GSE1: variants seen among roughly 807,000 people sequenced by gnomAD.
GSE1 encodes the protein Gse1 coiled-coil protein.
A neutral mutation model predicts 112.6 loss-of-function variants in GSE1; 32 were observed. The ratio of observed to expected loss-of-function variants is 0.28; its 90% CI spans 0.21 to 0.38. The LOEUF (loss-of-function observed/expected upper bound fraction) is 0.38. GSE1 is among the 10% of genes least tolerant of loss of function. The pLI is 1.00. For synonymous variants in GSE1, 1,115 were observed against 735.6 expected (o/e 1.52, Z -8.35); for missense variants, 2,348 against 1,699.2 (o/e 1.38, Z -6.71).
chr16:85,507,040 A>G (rs1411611084), intron 2 of GSE1, among the ~76,000 whole-genome samples: 1 of 152,118 alleles, frequency 6.6e-6, no homozygotes, highest in Non-Finnish European at 1.5e-5. Context: ...CTCCTGGGGT[A>G]ACCGTGTGGG....
chr16:85,348,617 TCCAGCTGGACAA>T (rs1487483904), intron 1 of GSE1, among the ~76,000 whole-genome samples: 3 of 152,118 alleles, frequency 2.0e-5, no homozygotes, highest in Non-Finnish European at 4.4e-5. Context: ...TGGAAGAGGA[TCCAGCTGGACAA>T]CCTCTGCCCA....
At chr16:85,469,732 GGGAGAAATCAGCCAGGCTGACT>G (rs1256311493) in intron 2 of GSE1, among the ~76,000 whole-genome samples, 1 of 152,194 alleles carries the variant, frequency 6.6e-6, no homozygotes, top group Non-Finnish European at 1.5e-5. Context: ...CAGTTCAGGT[GGGAGAAATCAGCCAGGCTGACT>G]GGAGGAAGGT....
rs143901261 is a variant in GSE1 at position 85,661,556 on chromosome 16, C to T, written c.2051C>T (p.Thr684Ile). 8 of 1,611,658 alleles carry T rather than the reference C, an allele frequency of 5.0e-6. No individual in the cohort carries two copies. In the East Asian group the frequency reaches 1.3e-4, roughly 27 times the overall value. Reference protein sequence around the residue: ...FLAELEKSTQTILGQQRASLP... With the variant: ...FLAELEKSTQIILGQQRASLP... Reference sequence around the variant, plus strand: ...GCTGAGCTCGAGAAGTCCACCCAGACCATCCTGGGCCAGCAGCGGGCCTCC... The same window carrying T: ...GCTGAGCTCGAGAAGTCCACCCAGATCATCCTGGGCCAGCAGCGGGCCTCC... Residue 684 changes from threonine to isoleucine, a missense_variant, in exon 9 of 16, where the codon ACC becomes ATC. By Grantham distance (89) the Thr-to-Ile change is moderately conservative. Transcript: ENST00000253458.
At chr16:85,573,729 G>A (rs1244209064) in intron 1 of GSE1, among the ~76,000 whole-genome samples, 2 of 152,194 alleles carry the variant, frequency 1.3e-5, no homozygotes, top group African/African-American at 4.8e-5. Flanking sequence ...GCCGGCAGGC[G>A]CACTGGTTTG....
chr16:85,515,639 G>A (rs551239824), intron 2 of GSE1, among the ~76,000 whole-genome samples: 1 of 151,862 alleles, frequency 6.6e-6, no homozygotes, highest in East Asian at 1.9e-4. Context: ...GAACAGGTCG[G>A]GGGGCGTGGA....
chr16:85,667,525 G>C (rs1342181495), intron 13 of GSE1, among the ~76,000 whole-genome samples: 1 of 152,230 alleles, frequency 6.6e-6, no homozygotes, highest in Non-Finnish European at 1.5e-5. Flanking sequence ...GAGAGGATGG[G>C]CTGGTGTCTG....
chr16:85,286,472 A>G (rs1056859904), intron 1 of GSE1, among the ~76,000 whole-genome samples: 4 of 152,236 alleles, frequency 2.6e-5, no homozygotes, highest in Non-Finnish European at 5.9e-5. Flanking sequence ...TGTCCGTTCA[A>G]AGGATGGTCT....
At chr16:85,389,829 A>T (rs79890475) in intron 2 of GSE1, among the ~76,000 whole-genome samples, 6,881 of 152,268 alleles carry the variant, frequency 0.045, 417 homozygotes, top group African/African-American at 0.14. Flanking sequence ...TTAATAGATA[A>T]GCAAACTGAG....
Position 85,673,269 on chromosome 16 carries a change from T to TTTCA in GSE1, c.*732_*735dup, listed in dbSNP as rs1408864120. 6.6e-6 allele frequency: 1 copy of TTTCA among 152,608 alleles called. No individual in the cohort carries two copies. The highest frequency in any genetic ancestry group is 2.4e-5 in the African/African-American group (1 of 41,432). 9.5% of individuals were successfully genotyped at this position (152,608 alleles called of 1,614,324 possible). A position where few individuals can be genotyped will look rare whatever the true frequency, so the allele number is the denominator to read the frequency against. ...AGATTGTTACTACAGTGGGTTGGGTTTTCATACAGACGTAAATTTTGAGAG... is the reference window on the plus strand; with the variant it reads ...AGATTGTTACTACAGTGGGTTGGGTTTTCATTCATACAGACGTAAATTTTGAGAG... On this transcript the variant is annotated 3_prime_UTR_variant, in exon 16 of 16. Coordinates refer to ENST00000253458, the MANE Select transcript of GSE1 (RefSeq NM_014615.5).
intron 14 of GSE1, among the ~76,000 whole-genome samples, chr16:85,668,924 C>G (rs1416091892): frequency 6.6e-6 from 1 of 152,246 alleles, no homozygotes; most frequent in African/African-American, 2.4e-5. Context: ...AAGACAGGCT[C>G]CTGGTAAAGG....
chr16:85,670,084 A>C (rs893314081), intron 14 of GSE1, among the ~76,000 whole-genome samples: 1 of 151,102 alleles, frequency 6.6e-6, no homozygotes, highest in Non-Finnish European at 1.5e-5. Context: ...AATATGGTAC[A>C]AAACTATTAC....
chr16:85,512,457 G>T (rs1335699748), intron 2 of GSE1, among the ~76,000 whole-genome samples: 1 of 152,228 alleles, frequency 6.6e-6, no homozygotes. Context: ...TCCTGGCTGT[G>T]CCATCCGTCT....
chr16:85,656,466 A>T lies in GSE1; in HGVS notation c.1113A>T (p.Gln371His), dbSNP rs529829884. Residue 371 changes from glutamine (Q) to histidine (H), a missense_variant, in exon 7 of 16, where the codon CAA (glutamine) becomes CAT (histidine). By Grantham distance (24) the Gln-to-His change is conservative (BLOSUM62 0). Coordinates refer to ENST00000253458, the MANE Select transcript of GSE1 (RefSeq NM_014615.5). ...GCGAACGCGAGAAGGAGCGCGAGCA[A>T]GAGAAGGAGCGTGAGCGTGAGAAGG... is the stretch of plus-strand genomic sequence containing the variant. ...REREREKERE[Q>H]EKEREREKER... 1.1e-5 allele frequency: 17 copies of T among 1,526,140 alleles called. No individual in the cohort carries two copies. Among genetic ancestry groups the T allele is most frequent in the Admixed American group, 3.9e-5 (2 of 51,078 alleles). 94.5% of individuals were successfully genotyped at this position (1,526,140 alleles called of 1,614,324 possible).
At chr16:85,408,585 C>A (rs1183584709) in intron 2 of GSE1, among the ~76,000 whole-genome samples, 2 of 18,336 alleles carry the variant, frequency 1.1e-4, no homozygotes, top group Non-Finnish European at 2.3e-4. Flanking sequence ...ACACTCAGGC[C>A]CCCCTGGAAA....
At position 85,655,780 on chromosome 16, in the gene GSE1, C is replaced by A. The variant is rs763298071; in HGVS notation, c.852C>A (p.Pro284=). 1.2e-6 allele frequency: 2 copies of A among 1,609,948 alleles called. No individual in the cohort carries two copies. The highest frequency in any genetic ancestry group is 1.3e-5 in the African/African-American group (1 of 74,986). Reference sequence around the variant, plus strand: ...TGAGGTCCCCGTTCTACCCCATCCCCACCCCCGGCTCCCTGCCCCCACTGC... The same window carrying A: ...TGAGGTCCCCGTTCTACCCCATCCCAACCCCCGGCTCCCTGCCCCCACTGC... ...SALRSPFYPI[P]TPGSLPPLHP... Residue 284 remains proline (P), a synonymous_variant, in exon 6 of 16, where the codon CCC becomes CCA. Coordinates refer to ENST00000253458, the MANE Select transcript of GSE1 (RefSeq NM_014615.5).
At chr16:85,301,123 G>A (rs952478661) in intron 1 of GSE1, among the ~76,000 whole-genome samples, 5 of 152,212 alleles carry the variant, frequency 3.3e-5, no homozygotes, top group African/African-American at 1.2e-4. Flanking sequence ...CTGGTGGGGC[G>A]CTCCCTCTCC....
chr16:85,188,796 A>C (rs892884834), intron 1 of GSE1, among the ~76,000 whole-genome samples: 3 of 145,784 alleles, frequency 2.1e-5, no homozygotes, highest in African/African-American at 7.6e-5. Context: ...GTGGGACCTT[A>C]TCTCTATCTT....
intron 2 of GSE1, among the ~76,000 whole-genome samples, chr16:85,404,203 T>C (rs756944446): frequency 0.15 from 7,304 of 50,154 alleles, 1,116 homozygotes; most frequent in Middle Eastern, 0.28. Flanking sequence ...AGGGCCCCCC[T>C]GGATAATCCT....
intron 1 of GSE1, among the ~76,000 whole-genome samples, chr16:85,211,970 G>A (rs888508086): frequency 1.3e-5 from 2 of 152,162 alleles, no homozygotes; most frequent in African/African-American, 2.4e-5. Context: ...TTGAACCATC[G>A]CCCATCAAAT....
Sources: gnomAD v4.1 joint callset for allele counts (sites outside exome capture counted in the v4.1 genomes callset) on GRCh38, gnomAD v4.1.1 for gene constraint, MANE v1.5 for transcripts, NCBI Gene and HGNC (gene_info 2026-07-23, HGNC 2026-07-21) for gene names.